The following QRICH1 variants were observed in gnomAD, a reference collection of about 807,000 sequenced individuals.
QRICH1 encodes glutamine rich 1.
In QRICH1, 16 loss-of-function variants were observed where a neutral mutation model predicts 87.1. The observed-to-expected ratio is 0.18, with a 90% confidence interval of 0.12 to 0.28. QRICH1 has a LOEUF of 0.28. Among genes scored for constraint, QRICH1 ranks in the 10% least tolerant of loss-of-function variants. QRICH1 has a pLI of 1.00. For missense variants in QRICH1, 647 were observed against 951.7 expected (o/e 0.68, Z 4.21); for synonymous variants, 367 against 368.4 (o/e 1.00, Z 0.05).
At chr3:49,061,425 T>G (rs560499333) in intron 2 of QRICH1, among the ~76,000 whole-genome samples, 86 of 152,216 alleles carry the variant, frequency 5.6e-4, no homozygotes, top group African/African-American at 2.0e-3. Context: ...GTCTTATTAT[T>G]ATGTCAGCAT....
Position 49,057,948 on chromosome 3 carries a change from CA to C in QRICH1, c.310-59del, listed in dbSNP as rs1437975588. ...CAGGCAGCACTGAAAATCCAGTACC[CA>C]AGGAAAGAAAGAAAAGAGATCCCAG... On this transcript the variant is annotated intron_variant, in intron 2 of 9. Transcript: ENST00000395443. This position sits in a 1 kb window ranked among gnomAD's most constrained non-coding sequence, Gnocchi z 5.4. 6.2e-7 allele frequency: 1 copy of C among 1,612,476 alleles called. No homozygotes were observed. The highest frequency in any genetic ancestry group is 8.5e-7 in the Non-Finnish European group (1 of 1,179,858).
intron 6 of QRICH1, among the ~76,000 whole-genome samples, chr3:49,034,206 G>A (rs535095259): frequency 4.7e-4 from 71 of 151,718 alleles, no homozygotes; most frequent in African/African-American, 1.5e-3. Flanking sequence ...ACTTTGGGAG[G>A]CGGAGGTGGG....
At chr3:49,063,836 G>T (rs1346727384) in intron 2 of QRICH1, among the ~76,000 whole-genome samples, 1 of 152,124 alleles carries the variant, frequency 6.6e-6, no homozygotes. Context: ...AGACCCAAAA[G>T]AACTTGTTTA....
chr3:49,057,159 T>C lies in QRICH1; in HGVS notation c.1041A>G (p.Thr347=), dbSNP rs751093854. Residue 347 remains threonine (T), a synonymous_variant, in exon 3 of 10, where the codon ACA becomes ACG. Transcript: ENST00000395443. The surrounding 1 kb of genome is among the most constrained non-coding windows in gnomAD (Gnocchi z 5.4). Reference sequence around the variant, plus strand: ...CCTCCAGCTTAACAGCTGCCAGGGCTGTGGGTGAGCCACTGACGTGAACTG... The same window carrying C: ...CCTCCAGCTTAACAGCTGCCAGGGCCGTGGGTGAGCCACTGACGTGAACTG... The part of the protein sequence containing the change: ...YNAVHVSGSP[T]ALAAVKLEDD... 26 of 1,614,110 alleles carry C rather than the reference T, an allele frequency of 1.6e-5. No individual in the cohort carries two copies. The Admixed American group carries it at 2.5e-4, about 16-fold the overall frequency.
intron 4 of QRICH1, 87 bp from the exon 5 acceptor site, chr3:49,046,666 G>A (rs563583083): frequency 2.1e-6 from 3 of 1,405,248 alleles, no homozygotes; most frequent in African/African-American, 1.4e-5. Context: ...CAGGGTGCTG[G>A]GATAGAAATG....
chr3:49,083,225 G>GA (rs1170080767), intron 1 of QRICH1: 1 of 145,732 alleles, frequency 6.9e-6, no homozygotes, highest in East Asian at 2.3e-4. Context: ...AAAAAAGGGG[G>GA]GGGGGGAGCC....
chr3:49,052,661 AATTTTTTT>A (rs774347703), intron 3 of QRICH1, among the ~76,000 whole-genome samples: 5 of 152,000 alleles, frequency 3.3e-5, no homozygotes, highest in Admixed American at 6.6e-5. Flanking sequence ...ATGCCCAGCT[AATTTTTTT>A]ATTTTTTTAT....
Position 49,032,782 on chromosome 3 carries a change from C to G in QRICH1, c.1896-9G>C. 6.2e-7 allele frequency: 1 copy of G among 1,601,000 alleles called. No homozygotes were observed. Among genetic ancestry groups the G allele is most frequent in the East Asian group, 2.2e-5 (1 of 44,474 alleles). ...TCTTCAATAGGAAGTACCTGGATCA[C>G]AAGTAAAATGCAAGGCAGAGGGAGG... On this transcript the variant is annotated splice_polypyrimidine_tract_variant and intron_variant, in intron 7 of 9. Coordinates refer to ENST00000395443, the MANE Select transcript of QRICH1 (RefSeq NM_198880.3).
At chr3:49,067,512 G>T (rs2093475326) in intron 2 of QRICH1, among the ~76,000 whole-genome samples, 1 of 151,886 alleles carries the variant, frequency 6.6e-6, no homozygotes, top group African/African-American at 2.4e-5. Flanking sequence ...AGCTTGCAGT[G>T]AGCCGAGATA....
chr3:49,060,716 G>T (rs1035512335), intron 2 of QRICH1, among the ~76,000 whole-genome samples: 1 of 152,210 alleles, frequency 6.6e-6, no homozygotes, highest in Non-Finnish European at 1.5e-5. Context: ...GCACAGAGGT[G>T]AGCATTACCA....
At chr3:49,070,075 T>C (rs866543313) in intron 2 of QRICH1, among the ~76,000 whole-genome samples, 2 of 151,900 alleles carry the variant, frequency 1.3e-5, no homozygotes, top group East Asian at 1.9e-4. Context: ...TTCGCTCACA[T>C]TGCCCAGTCT....
chr3:49,070,641 C>T (rs1383526847), intron 2 of QRICH1, among the ~76,000 whole-genome samples: 1 of 151,798 alleles, frequency 6.6e-6, no homozygotes, highest in Non-Finnish European at 1.5e-5. Flanking sequence ...TACCATGTTT[C>T]CCAGCCTGGT....
chr3:49,085,201 C>T (rs1410353240), intron 1 of QRICH1, among the ~76,000 whole-genome samples: 2 of 151,954 alleles, frequency 1.3e-5, no homozygotes, highest in East Asian at 1.9e-4. Context: ...TGGTAAGACA[C>T]ATAATTCTGG....
Position 49,032,648 on chromosome 3 carries a change from A to G in QRICH1, c.2021T>C (p.Leu674Pro). 1.2e-6 allele frequency: 2 copies of G among 1,606,672 alleles called. No homozygotes were observed. Among genetic ancestry groups the G allele is most frequent in the South Asian group, 2.2e-5 (2 of 90,126 alleles). Residue 674 changes from leucine (L) to proline (P), a missense_variant, in exon 8 of 10, where the codon CTT (leucine) becomes CCT (proline). Leu to Pro is a moderately conservative substitution (Grantham distance 98). Around this residue, in one of 7 missense-constraint regions of QRICH1, gnomAD observed 187 missense variants for 309.5 expected, o/e 0.60. Transcript: ENST00000395443. ...TTTCTGGCCAGTCTGGTGTATTCCA[A>G]GGGCCTTCAAGTACCGGATACTCGT... ...KSTSIRYLKA[L>P]GIHQTGQKVT...
chr3:49,055,931 G>A (rs550244195), intron 3 of QRICH1, among the ~76,000 whole-genome samples: 17 of 152,072 alleles, frequency 1.1e-4, no homozygotes, highest in Admixed American at 1.1e-3. Context: ...CACCCGCCTT[G>A]GCCTCCCAAA....
intron 1 of QRICH1, among the ~76,000 whole-genome samples, chr3:49,080,593 C>G (rs966594068): frequency 6.6e-6 from 1 of 152,100 alleles, no homozygotes; most frequent in Non-Finnish European, 1.5e-5. Context: ...AAGCCAGTCT[C>G]TATGATCCTC....
intron 2 of QRICH1, among the ~76,000 whole-genome samples, chr3:49,074,488 C>T (rs1458129462): frequency 1.1e-4 from 17 of 151,952 alleles, no homozygotes; most frequent in African/African-American, 3.1e-4. Flanking sequence ...AGGAGAATGG[C>T]GTGAACCCGG....
intron 5 of QRICH1, among the ~76,000 whole-genome samples, chr3:49,045,326 C>CAAAAA (rs150401256): frequency 3.1e-4 from 32 of 101,828 alleles, no homozygotes; most frequent in Non-Finnish European, 4.3e-4. Context: ...TTGTGAATTA[C>CAAAAA]AAAAAAAAAA....
chr3:49,084,594 T>C (rs2042132497), intron 1 of QRICH1, among the ~76,000 whole-genome samples: 1 of 151,644 alleles, frequency 6.6e-6, no homozygotes, highest in Non-Finnish European at 1.5e-5. Flanking sequence ...TGAAACCCCA[T>C]CTCCACTAAA....
Sources: allele counts gnomAD v4.1 joint callset (sites outside exome capture counted in the v4.1 genomes callset), GRCh38; gene constraint gnomAD v4.1.1; regional missense constraint gnomAD v4.1.1; non-coding constraint Gnocchi (gnomAD v3.1); transcripts MANE v1.5; gene names NCBI Gene and HGNC (gene_info 2026-07-23, HGNC 2026-07-21).